BRWD3: variants seen among roughly 807,000 people sequenced by gnomAD.
BRWD3 encodes the protein bromodomain and WD repeat domain containing 3.
Under a neutral mutation model 149.7 loss-of-function variants are expected in BRWD3, and 10 were observed. The observed-to-expected ratio is 0.07, with a 90% confidence interval of 0.04 to 0.11. BRWD3 has a LOEUF of 0.11. Ranked by LOEUF, BRWD3 falls within the 10% of genes least tolerant of loss-of-function variation. The pLI is 1.00. For missense variants in BRWD3, 940 were observed against 1,373.2 expected (o/e 0.68, Z 4.99); for synonymous variants, 504 against 456.7 (o/e 1.10, Z -1.32).
chrX:80,736,101 A>G lies in BRWD3; in HGVS notation c.814-13T>C. Reference sequence around the variant, plus strand: ...TTGATGGACAAAACTTAAAAAAAAAAAAATCTGATTCAAATAAAAAGTTTT... The same window carrying G: ...TTGATGGACAAAACTTAAAAAAAAAGAAATCTGATTCAAATAAAAAGTTTT... On this transcript the variant is annotated splice_polypyrimidine_tract_variant and intron_variant, in intron 8 of 40. Transcript: ENST00000373275. The G allele has an allele frequency of 1.8e-6, 2 of 1,100,046 alleles. No individual in the cohort carries two copies. The highest frequency in any genetic ancestry group is 4.0e-5 in the South Asian group (2 of 50,083). The allele number at this position is 1,100,046 out of a possible 1,213,427, so 90.7% of individuals were successfully genotyped here.
At chrX:80,694,582 G>A (rs2072655323) in intron 27 of BRWD3, among the ~76,000 whole-genome samples, 1 of 111,771 alleles carries the variant, frequency 8.9e-6, no homozygotes, top group South Asian at 3.8e-4. Flanking sequence ...AGCTGCCCAA[G>A]AGCATGGGAA....
chrX:80,801,948 T>G (rs1207302901), intron 4 of BRWD3, among the ~76,000 whole-genome samples: 1 of 111,135 alleles, frequency 9.0e-6, no homozygotes. Flanking sequence ...AAATTCCCAT[T>G]TGTTTAAAAA....
chrX:80,795,861 G>A (rs2074234003), intron 4 of BRWD3, among the ~76,000 whole-genome samples: 1 of 110,878 alleles, frequency 9.0e-6, no homozygotes, highest in Non-Finnish European at 1.9e-5. Context: ...AGCCCACGAG[G>A]TCAAGGCTGC....
In BRWD3 at chrX:80,778,748, C is replaced by T. The variant is rs1319814854; in HGVS notation, c.430+13106G>A. On this transcript the variant is annotated intron_variant, in intron 6 of 40. Transcript: ENST00000373275. ...GCACGGTGGCTCACACCTGTCATTC[C>T]AGCACTTTGAGAGGCCAAGGCAGGT... Among the ~76,000 whole-genome samples the T allele has an allele frequency of 3.6e-5, 4 of 112,484 alleles. No individual in the cohort carries two copies. The East Asian group carries it at 1.1e-3, about 32-fold the overall frequency.
chrX:80,728,841 G>T lies in BRWD3; in HGVS notation c.1297C>A (p.Arg433Ser). The T allele has an allele frequency of 8.3e-7, 1 of 1,207,521 alleles. No homozygotes were observed. The highest frequency in any genetic ancestry group is 1.8e-5 in the South Asian group (1 of 56,853). ...KLKVTMVAWD[R>S]YDTTVITAVN... ...GCAGTAATAACTGTGGTATCATAGC[G>T]ATCCCAGGCCACCATAGTCACCTTA... Residue 433 changes from arginine (R) to serine (S), a missense_variant, in exon 14 of 41, where the codon CGC becomes AGC. This residue lies in a region of BRWD3 where 209 missense variants were observed against 396.8 expected (regional missense o/e 0.53). Coordinates refer to ENST00000373275, the MANE Select transcript of BRWD3 (RefSeq NM_153252.5).
At chrX:80,802,465 A>AT (rs2074310242) in intron 4 of BRWD3, among the ~76,000 whole-genome samples, 5 of 107,016 alleles carry the variant, frequency 4.7e-5, no homozygotes, top group Admixed American at 3.0e-4. Flanking sequence ...AAAAAAAAAA[A>AT]AAATTAAAAA....
chrX:80,752,359 C>T (rs1602393807), intron 6 of BRWD3, among the ~76,000 whole-genome samples: 1 of 111,578 alleles, frequency 9.0e-6, no homozygotes, highest in Non-Finnish European at 1.9e-5. Flanking sequence ...CCATTATAAA[C>T]ATACTAGTGC....
intron 27 of BRWD3, among the ~76,000 whole-genome samples, chrX:80,694,782 C>T (rs1163898299): frequency 2.7e-5 from 3 of 111,421 alleles, no homozygotes; most frequent in Non-Finnish European, 5.6e-5. Flanking sequence ...CTGTATCTAG[C>T]AAGTAACGAA....
intron 6 of BRWD3, among the ~76,000 whole-genome samples, chrX:80,761,147 A>G (rs2073798376): frequency 8.9e-6 from 1 of 111,899 alleles, no homozygotes; most frequent in Admixed American, 9.5e-5. Flanking sequence ...ATAACAATGA[A>G]TCCAAATCAA....
In BRWD3 at chrX:80,681,977, A is replaced by C. The variant is rs758537826; in HGVS notation, c.4495+20T>G. 8.6e-7 allele frequency: 1 copy of C among 1,166,998 alleles called. No homozygotes were observed. Among genetic ancestry groups the C allele is most frequent in the East Asian group, 3.0e-5 (1 of 33,595 alleles). On this transcript the variant is annotated intron_variant, in intron 39 of 40. Coordinates refer to ENST00000373275, the MANE Select transcript of BRWD3 (RefSeq NM_153252.5). ...AATTAAACCGAGATGCAGAACACCA[A>C]AAACAAAAGACATATTTACCAGGAG...
intron 20 of BRWD3, among the ~76,000 whole-genome samples, chrX:80,712,034 T>G (rs189331034): frequency 7.1e-5 from 8 of 112,053 alleles, no homozygotes; most frequent in Admixed American, 6.6e-4. Flanking sequence ...ATCAACAGCA[T>G]TCTTAAGATT....
At chrX:80,689,697 T>C in intron 33 of BRWD3, 71 bp downstream of exon 33, 1 of 953,441 alleles carries the variant, frequency 1.0e-6, no homozygotes, top group East Asian at 3.2e-5. Context: ...AATTACAACA[T>C]TTACACATAA....
At chrX:80,764,647 C>A (rs2147817161) in intron 6 of BRWD3, among the ~76,000 whole-genome samples, 1 of 110,510 alleles carries the variant, frequency 9.0e-6, no homozygotes, top group East Asian at 2.8e-4. Context: ...ACAACAAAAG[C>A]AAGATCCATA....
chrX:80,732,730 G>C (rs2073350139), intron 12 of BRWD3, among the ~76,000 whole-genome samples: 2 of 111,947 alleles, frequency 1.8e-5, no homozygotes, highest in African/African-American at 6.5e-5. Context: ...TTCATATAGA[G>C]AATAGTAGCA....
chrX:80,705,569 T>C (rs1602327005), intron 22 of BRWD3, among the ~76,000 whole-genome samples: 2 of 111,732 alleles, frequency 1.8e-5, no homozygotes, highest in South Asian at 7.3e-4. Context: ...GGTGATTTTG[T>C]CATTGTGTGA....
Position 80,698,431 on chromosome X carries a change from G to A in BRWD3, c.2943+1526C>T, listed in dbSNP as rs184083428. ...TAGGATAAAAAGTAAGAACTTGGCC[G>A]GGTGAGGTAGCTCATTCCTGTAATC... On this transcript the variant is annotated intron_variant, in intron 25 of 40. Transcript: ENST00000373275. 4.8e-3 allele frequency among the ~76,000 whole-genome samples: 537 copies of A among 111,713 alleles called. 4 individuals are homozygous for A. The highest frequency in any genetic ancestry group is 7.3e-3 in the Non-Finnish European group (389 of 53,175).
chrX:80,727,032 T>G lies in BRWD3; in HGVS notation c.1386+1720A>C, dbSNP rs890209391. 5.4e-5 allele frequency among the ~76,000 whole-genome samples: 6 copies of G among 110,380 alleles called. No homozygotes were observed. In the South Asian group the frequency reaches 1.2e-3, roughly 21 times the overall value. ...TGAAGCTGGGGATTTTCATTTTTTT[T>G]GGGTCACATGCCTTAGGAGAGTACA... On this transcript the variant is annotated intron_variant, in intron 14 of 40. Coordinates refer to ENST00000373275, the MANE Select transcript of BRWD3 (RefSeq NM_153252.5).
Position 80,716,233 on chromosome X carries a change from C to T in BRWD3, c.2249G>A (p.Arg750Gln), listed in dbSNP as rs1389357356. ...NGVSRVQEEC[R>Q]TAKGDIEISL... ...GATTTCTATGTCACCTTTTGCAGTT[C>T]GACATTCTTCCTGTACCCTAATAAC... The change falls in exon 20 of 41, where the codon CGA (arginine) becomes CAA (glutamine). Residue 750 changes from arginine (R) to glutamine (Q), a missense_variant. Transcript: ENST00000373275. 4 of 1,204,743 alleles carry T rather than the reference C, an allele frequency of 3.3e-6. No homozygotes were observed. The highest frequency in any genetic ancestry group is 3.4e-6 in the Non-Finnish European group (3 of 890,868).
chrX:80,691,347 A>G (rs1163246159), intron 30 of BRWD3, among the ~76,000 whole-genome samples, 174 bp from the exon 31 acceptor site: 1 of 112,065 alleles, frequency 8.9e-6, no homozygotes, highest in Non-Finnish European at 1.9e-5. Flanking sequence ...CATCATATCT[A>G]TGAATCATGC....
Sources: allele counts gnomAD v4.1 joint callset (sites outside exome capture counted in the v4.1 genomes callset), GRCh38; gene constraint gnomAD v4.1.1; regional missense constraint gnomAD v4.1.1; transcripts MANE v1.5; gene names NCBI Gene and HGNC (gene_info 2026-07-23, HGNC 2026-07-21).